SIMC1: variants seen among roughly 807,000 people sequenced by gnomAD.
SIMC1 encodes SUMO-interacting motif-containing protein 1.
Under a neutral mutation model 82.3 loss-of-function variants are expected in SIMC1, and 55 were observed. The observed-to-expected ratio is 0.67, with a 90% CI of 0.54 to 0.84. SIMC1 has a LOEUF of 0.84. SIMC1 is among the 40% of genes least tolerant of loss of function. The probability of loss-of-function intolerance (pLI) is 0.00; values close to 1 mark genes in which losing one functional copy is unlikely to be tolerated. For missense variants in SIMC1, 915 were observed against 1,107.2 expected, an observed-to-expected ratio of 0.83 and a Z score of 2.46; for synonymous variants, 353 against 426.3, an observed-to-expected ratio of 0.83 and a Z score of 2.12.
At chr5:176,324,825 T>G in intron 7 of SIMC1, 68 bp downstream of exon 7, 1 of 1,474,768 alleles carries the variant, frequency 6.8e-7, no homozygotes, top group Non-Finnish European at 9.0e-7. Context: ...TTGGAAATCA[T>G]TTTTATTAAA....
At chr5:176,250,559 G>A (rs1196196136) in intron 1 of SIMC1, among the ~76,000 whole-genome samples, 1 of 152,064 alleles carries the variant, frequency 6.6e-6, no homozygotes, top group Non-Finnish European at 1.5e-5. Flanking sequence ...TTGACAGTGG[G>A]GTGTTAAAAT....
At position 176,313,829 on chromosome 5, in the gene SIMC1, C is replaced by G; in HGVS notation, c.1873C>G (p.Gln625Glu). 6.2e-7 allele frequency: 1 copy of G among 1,613,606 alleles called. No individual in the cohort carries two copies. Among genetic ancestry groups the G allele is most frequent in the Non-Finnish European group, 8.5e-7 (1 of 1,179,866 alleles). Residue 625 changes from glutamine to glutamate, a missense_variant, in exon 5 of 10, where the codon CAG becomes GAG. Physicochemically the swap from Gln to Glu is conservative, Grantham distance 29. This residue lies in a region of SIMC1 where 902 missense variants were observed against 1,040.3 expected (regional missense o/e 0.87). Transcript: ENST00000429602. ...AAACATGGTGCTTTCCTGTGACAAGCAGCCCCACAATGTCAGGTAAGCAGC... is the reference window on the plus strand; with the variant it reads ...AAACATGGTGCTTTCCTGTGACAAGGAGCCCCACAATGTCAGGTAAGCAGC... ...IANMVLSCDKQPHNVRDVIKW... is the reference protein window; with the variant it reads ...IANMVLSCDKEPHNVRDVIKW...
chr5:176,329,125 T>C (rs1765515472), intron 7 of SIMC1, among the ~76,000 whole-genome samples: 1 of 152,176 alleles, frequency 6.6e-6, no homozygotes, highest in African/African-American at 2.4e-5. Flanking sequence ...GTGAAGCTCT[T>C]TTTAGTTCTA....
At chr5:176,306,459 G>A (rs1005140871) in intron 4 of SIMC1, among the ~76,000 whole-genome samples, 27 of 138,338 alleles carry the variant, frequency 2.0e-4, no homozygotes, top group Admixed American at 4.4e-4. Flanking sequence ...TGGCGGCTTT[G>A]TGGAATAGAA....
intron 1 of SIMC1, among the ~76,000 whole-genome samples, chr5:176,289,144 A>G (rs1297350842): frequency 6.6e-6 from 1 of 152,198 alleles, no homozygotes; most frequent in Non-Finnish European, 1.5e-5. Context: ...TATAATCTTA[A>G]GGTAGATAAC....
In SIMC1 at chr5:176,312,301, C is replaced by T. The variant is rs540297446; in HGVS notation, c.1735-1390C>T. Among the ~76,000 whole-genome samples the T allele has an allele frequency of 2.0e-5, 3 of 152,128 alleles. No homozygotes were observed. The East Asian group carries it at 5.8e-4, about 29-fold the overall frequency. On this transcript the variant is annotated intron_variant, in intron 4 of 9. Transcript: ENST00000429602. ...CTATAATCCCAACACTTTGGGAGAC[C>T]GATGCAGGTGGATCACCTGAGGTCA...
chr5:176,297,794 TAGG>T (rs531221694), intron 4 of SIMC1, among the ~76,000 whole-genome samples: 3 of 152,156 alleles, frequency 2.0e-5, no homozygotes, highest in Non-Finnish European at 4.4e-5. Flanking sequence ...CCCTGTTTCT[TAGG>T]AGGTTACCTG....
chr5:176,246,449 T>TGTG (rs1554104446), intron 1 of SIMC1, among the ~76,000 whole-genome samples: 5 of 118,114 alleles, frequency 4.2e-5, no homozygotes, highest in South Asian at 5.4e-4. Flanking sequence ...TGTGTGTGTG[T>TGTG]TGTTTGTTTG....
At chr5:176,298,384 C>G (rs1161149605) in intron 4 of SIMC1, among the ~76,000 whole-genome samples, 2 of 152,174 alleles carry the variant, frequency 1.3e-5, no homozygotes, top group Non-Finnish European at 2.9e-5. Context: ...CCACACCTGT[C>G]CTGGAGTGGG....
intron 7 of SIMC1, among the ~76,000 whole-genome samples, chr5:176,330,264 G>A (rs1399638656): frequency 2.0e-5 from 3 of 152,126 alleles, no homozygotes; most frequent in Non-Finnish European, 4.4e-5. Flanking sequence ...AGCTGGGCAT[G>A]GTAGCATACG....
intron 7 of SIMC1, among the ~76,000 whole-genome samples, chr5:176,332,383 C>T (rs1270600447): frequency 3.3e-5 from 5 of 152,224 alleles, no homozygotes; most frequent in East Asian, 1.9e-4. Context: ...CTCCGCCTCC[C>T]GGGTTCAAGA....
chr5:176,331,368 T>TAA lies in SIMC1; in HGVS notation c.2172-5336_2172-5335dup, dbSNP rs70991536. ...CTGGGCGACAGAGCGAGACTCTGTCTAAAAAAAAAAAAAAAAAGTCAGTAT... is the reference window on the plus strand; with the variant it reads ...CTGGGCGACAGAGCGAGACTCTGTCTAAAAAAAAAAAAAAAAAAAGTCAGTAT... On this transcript the variant is annotated intron_variant, in intron 7 of 9. Coordinates refer to ENST00000429602, the MANE Select transcript of SIMC1 (RefSeq NM_001308195.2). 3.0e-4 allele frequency among the ~76,000 whole-genome samples: 40 copies of TAA among 131,450 alleles called. 1 individual carries two copies. The highest frequency in any genetic ancestry group is 1.2e-3 in the African/African-American group (40 of 34,652). 86.2% of individuals were successfully genotyped at this position (131,450 alleles called of 152,430 possible).
intron 1 of SIMC1, among the ~76,000 whole-genome samples, chr5:176,288,298 C>T (rs1016506048): frequency 2.0e-5 from 3 of 152,112 alleles, no homozygotes; most frequent in Non-Finnish European, 4.4e-5. Flanking sequence ...ATCCCAGCTA[C>T]TTGGGAGGCT....
chr5:176,265,117 T>C (rs1040664469), intron 1 of SIMC1, among the ~76,000 whole-genome samples: 36 of 152,160 alleles, frequency 2.4e-4, no homozygotes, highest in Non-Finnish European at 4.6e-4. Context: ...TCTCAAGGAA[T>C]ATACCCACCC....
chr5:176,320,127 G>A (rs1765094897), intron 5 of SIMC1, among the ~76,000 whole-genome samples: 1 of 152,134 alleles, frequency 6.6e-6, no homozygotes, highest in Admixed American at 6.5e-5. Flanking sequence ...AGACACGTGT[G>A]AGAAGATAGC....
chr5:176,336,761 G>A lies in SIMC1; in HGVS notation c.2213G>A (p.Cys738Tyr). Reference protein sequence around the residue: ...FTTMESHLLRCKVLEIIFLHS... With the variant: ...FTTMESHLLRYKVLEIIFLHS... The stretch of plus-strand genomic sequence containing the variant: ...ACCATGGAAAGCCACCTTCTGCGCT[G>A]CAAAGTGTTAGAAATCATATTCCTC... Residue 738 changes from cysteine (C) to tyrosine (Y), a missense_variant, in exon 8 of 10, where the codon TGC becomes TAC. This residue lies in a region of SIMC1 where 902 missense variants were observed against 1,040.3 expected (regional missense o/e 0.87). Coordinates refer to ENST00000429602, the MANE Select transcript of SIMC1 (RefSeq NM_001308195.2). The A allele has an allele frequency of 1.2e-6, 2 of 1,613,982 alleles. No homozygotes were observed. Among genetic ancestry groups the A allele is most frequent in the Non-Finnish European group, 8.5e-7 (1 of 1,179,904 alleles).
chr5:176,314,921 T>C (rs906838237), intron 5 of SIMC1, among the ~76,000 whole-genome samples: 1 of 152,182 alleles, frequency 6.6e-6, no homozygotes. Flanking sequence ...AAATAGGCTT[T>C]TGTGTTGCAT....
intron 7 of SIMC1, among the ~76,000 whole-genome samples, chr5:176,335,486 C>T (rs1355327145): frequency 2.0e-5 from 3 of 151,542 alleles, no homozygotes; most frequent in Non-Finnish European, 4.4e-5. Flanking sequence ...CGTTTTTGCC[C>T]AGACTGGTCT....
intron 7 of SIMC1, among the ~76,000 whole-genome samples, chr5:176,328,357 A>C (rs1241642432): frequency 6.6e-6 from 1 of 152,184 alleles, no homozygotes; most frequent in African/African-American, 2.4e-5. Flanking sequence ...ACAGACTAAT[A>C]AAATTGCTTA....
Sources: gnomAD v4.1 joint callset for allele counts (sites outside exome capture counted in the v4.1 genomes callset) on GRCh38, gnomAD v4.1.1 for gene constraint, gnomAD v4.1.1 regional missense constraint, MANE v1.5 for transcripts, NCBI Gene and HGNC (gene_info 2026-07-23, HGNC 2026-07-21) for gene names.